STOX2: variants seen among roughly 807,000 people sequenced by gnomAD.
The protein encoded by STOX2 is storkhead-box protein 2.
A neutral mutation model predicts 60.9 loss-of-function variants in STOX2; 28 were observed. The observed-to-expected ratio is 0.46, with a 90% confidence interval of 0.34 to 0.63. STOX2 has a LOEUF of 0.63. STOX2 is among the 30% of genes least tolerant of loss of function. The pLI, the probability that STOX2 is intolerant of heterozygous loss-of-function variation, is 0.01. For synonymous variants in STOX2, 472 were observed against 463.9 expected, an observed-to-expected ratio of 1.02 and a Z score of -0.22; for missense variants, 1,024 against 1,187.7, an observed-to-expected ratio of 0.86 and a Z score of 2.03.
At chr4:183,957,466 G>A (rs1743284174) in intron 1 of STOX2, among the ~76,000 whole-genome samples, 1 of 151,734 alleles carries the variant, frequency 6.6e-6, no homozygotes, top group Admixed American at 6.6e-5. Flanking sequence ...CTAAAGTTAT[G>A]AATTGATGTT....
chr4:183,845,725 T>C (rs184586108), intron 1 of STOX2, among the ~76,000 whole-genome samples: 2 of 152,362 alleles, frequency 1.3e-5, no homozygotes, highest in East Asian at 3.9e-4. Context: ...GATTTACAGT[T>C]CTCCTCTGCA....
chr4:183,854,619 T>G (rs974989975), intron 1 of STOX2, among the ~76,000 whole-genome samples: 2 of 152,342 alleles, frequency 1.3e-5, no homozygotes, highest in Admixed American at 6.5e-5. Flanking sequence ...CTAAAATGTT[T>G]ACATAAAAAT....
At chr4:183,977,178 A>G (rs1732480883) in intron 1 of STOX2, among the ~76,000 whole-genome samples, 1 of 152,164 alleles carries the variant, frequency 6.6e-6, no homozygotes, top group African/African-American at 2.4e-5. Flanking sequence ...AATAGGTAGT[A>G]TAATAGGTAG....
chr4:183,856,669 G>A lies in STOX2; in HGVS notation c.364+58614G>A, dbSNP rs1249143833. On this transcript the variant is annotated intron_variant, in intron 1 of 2. Transcript: ENST00000513034. The surrounding 1 kb of genome is among the most constrained non-coding windows in gnomAD (Gnocchi z 4.0). ...GTTAGCTGTCTCGGACTCGGACCCC[G>A]GGGGATGATAGCTCCCTTGCCCAAG... Among the ~76,000 whole-genome samples the A allele has an allele frequency of 6.6e-6, 1 of 152,166 alleles. No homozygotes were observed. The highest frequency in any genetic ancestry group is 1.5e-5 in the Non-Finnish European group (1 of 68,028).
chr4:183,870,369 C>T (rs911041731), intron 1 of STOX2, among the ~76,000 whole-genome samples: 2 of 152,192 alleles, frequency 1.3e-5, no homozygotes, highest in African/African-American at 2.4e-5. Flanking sequence ...CTTTCTAGGT[C>T]GTCAAATACA....
chr4:183,799,984 C>T (rs2111089279), intron 1 of STOX2, among the ~76,000 whole-genome samples: 1 of 152,164 alleles, frequency 6.6e-6, no homozygotes, highest in East Asian at 1.9e-4. Context: ...GGGACTCCCT[C>T]TTAAAGCCCA....
chr4:183,837,612 C>T (rs893932365), intron 1 of STOX2, among the ~76,000 whole-genome samples: 6 of 152,084 alleles, frequency 3.9e-5, no homozygotes, highest in African/African-American at 1.4e-4. Flanking sequence ...ACGTGCACCA[C>T]CACGCCTGGC....
rs1478432936 is a variant in STOX2, at chr4:183,905,453, C to G, written c.-1338C>G. On this transcript the variant is annotated 5_prime_UTR_variant, in exon 1 of 4. Coordinates refer to ENST00000308497, the MANE Select transcript of STOX2 (RefSeq NM_020225.3). ...ATTGCGTCTTCCAGGCTGCGTGGAC[C>G]CGGCGCCCCGGCGTGTGCGGTTGTG... The G allele has an allele frequency of 6.6e-6, 1 of 152,282 alleles. No individual in the cohort carries two copies. The highest frequency in any genetic ancestry group is 6.5e-5 in the Admixed American group (1 of 15,288). 9.4% of individuals were successfully genotyped at this position (152,282 alleles called of 1,614,324 possible).
At chr4:183,855,593 A>G (rs1023594103) in intron 1 of STOX2, among the ~76,000 whole-genome samples, 6 of 152,222 alleles carry the variant, frequency 3.9e-5, no homozygotes, top group Admixed American at 1.3e-4. Flanking sequence ...TTTTGAAAAT[A>G]ACCTCAGTGT....
intron 1 of STOX2, among the ~76,000 whole-genome samples, chr4:183,889,750 A>C (rs1227367845): frequency 6.6e-6 from 1 of 151,604 alleles, no homozygotes; most frequent in Non-Finnish European, 1.5e-5. Context: ...CAGGCATACC[A>C]GGCCACCTCC....
rs1255840608 is a variant in STOX2 at position 184,010,203 on chromosome 4, T to A, written c.1365T>A (p.Phe455Leu). ...ELAKRRTEMP[F>L]PEPSRGSSHS... is the part of the protein sequence containing the mutation. ...CTAAAAGGAGAACTGAGATGCCTTT[T>A]CCTGAACCTTCTAGGGGAAGCTCCC... The change falls in exon 3 of 4, where the codon TTT (phenylalanine) becomes TTA (leucine). Residue 455 changes from phenylalanine (F) to leucine (L), a missense_variant. By Grantham distance (22) the Phe-to-Leu change is conservative. This residue lies in a region of STOX2 where 922 missense variants were observed against 1,058.3 expected (regional missense o/e 0.87). Coordinates refer to ENST00000308497, the MANE Select transcript of STOX2 (RefSeq NM_020225.3). This position sits in a 1 kb window ranked among gnomAD's most constrained non-coding sequence, Gnocchi z 4.5. 1 of 1,554,464 alleles carries A rather than the reference T, an allele frequency of 6.4e-7. No individual in the cohort carries two copies. The highest frequency in any genetic ancestry group is 8.7e-7 in the Non-Finnish European group (1 of 1,148,584).
intron 1 of STOX2, among the ~76,000 whole-genome samples, chr4:183,818,820 C>A (rs560947405): frequency 6.6e-6 from 1 of 151,160 alleles, no homozygotes; most frequent in African/African-American, 2.4e-5. Context: ...GGCTCCTCAC[C>A]TCCCAGACGG....
At chr4:183,912,323 GA>G (rs1264016025) in intron 1 of STOX2, among the ~76,000 whole-genome samples, 1 of 152,162 alleles carries the variant, frequency 6.6e-6, no homozygotes. Context: ...CACGCCTGTG[GA>G]TGAAATCATA....
intron 1 of STOX2, among the ~76,000 whole-genome samples, chr4:183,818,377 G>A (rs1739205133): frequency 6.6e-6 from 1 of 152,148 alleles, no homozygotes; most frequent in African/African-American, 2.4e-5. Context: ...ACCCTGAGTG[G>A]ACACAGCACA....
At chr4:183,887,550 T>G (rs1054136027) in intron 1 of STOX2, among the ~76,000 whole-genome samples, 5 of 152,180 alleles carry the variant, frequency 3.3e-5, no homozygotes, top group Non-Finnish European at 5.9e-5. Flanking sequence ...ATTAGCAGAC[T>G]CCCTGCTGAG....
rs530047469 is a variant in STOX2 at position 184,010,997 on chromosome 4, G to A, written c.2159G>A (p.Ser720Asn). 1.2e-6 allele frequency: 2 copies of A among 1,613,474 alleles called. No individual in the cohort carries two copies. The highest frequency in any genetic ancestry group is 1.1e-5 in the South Asian group (1 of 90,936). ...TLSVNSYHKS[S>N]LSLLKSHPKT... is the part of the protein sequence containing the mutation. ...TCTGTAAACAGCTATCACAAGTCGA[G>A]CCTGTCCCTCCTCAAATCTCACCCG... Residue 720 changes from serine (S) to asparagine (N), a missense_variant, in exon 3 of 4, where the codon AGC (serine) becomes AAC (asparagine). Ser to Asn is a conservative substitution (Grantham distance 46, BLOSUM62 1). This residue lies in a region of STOX2 where 922 missense variants were observed against 1,058.3 expected (regional missense o/e 0.87). Transcript: ENST00000308497. This position sits in a 1 kb window ranked among gnomAD's most constrained non-coding sequence, Gnocchi z 4.5.
intron 1 of STOX2, among the ~76,000 whole-genome samples, chr4:183,804,602 G>T (rs1738843219): frequency 6.6e-6 from 1 of 152,198 alleles, no homozygotes; most frequent in Non-Finnish European, 1.5e-5. Flanking sequence ...ATTTAGAGAA[G>T]TTTAAGAAGC....
chr4:183,859,753 C>A (rs759690180), intron 1 of STOX2, among the ~76,000 whole-genome samples: 2 of 152,244 alleles, frequency 1.3e-5, no homozygotes, highest in Non-Finnish European at 2.9e-5. Flanking sequence ...AATCCTGAAA[C>A]CCACATGTCA....
chr4:183,942,586 A>G (rs546438047), intron 1 of STOX2, among the ~76,000 whole-genome samples: 3 of 152,248 alleles, frequency 2.0e-5, no homozygotes, highest in South Asian at 2.1e-4. Flanking sequence ...TCTTAAAAAA[A>G]AAGTCATTCC....
Sources: gnomAD v4.1 joint callset for allele counts (sites outside exome capture counted in the v4.1 genomes callset) on GRCh38, gnomAD v4.1.1 for gene constraint, gnomAD v4.1.1 regional missense constraint, Gnocchi (gnomAD v3.1) non-coding constraint, MANE v1.5 for transcripts, NCBI Gene and HGNC (gene_info 2026-07-23, HGNC 2026-07-21) for gene names.